DACH1: variants seen among roughly 807,000 people sequenced by gnomAD.
DACH1 encodes dachshund family transcription factor 1.
DACH1 carries 12 observed loss-of-function variants against 54.2 expected under a neutral mutation model. The observed-to-expected ratio is 0.22, with a 90% CI of 0.14 to 0.36. DACH1 has a LOEUF of 0.36. Ranked by LOEUF, DACH1 falls within the 10% of genes least tolerant of loss-of-function variation. The pLI is 1.00. For synonymous variants in DACH1, 386 were observed against 366.2 expected, an observed-to-expected ratio of 1.05 and a Z score of -0.62; for missense variants, 805 against 929.8, an observed-to-expected ratio of 0.87 and a Z score of 1.75.
chr13:71,449,243 T>C (rs1458107257), intron 10 of DACH1, among the ~76,000 whole-genome samples: 1 of 151,982 alleles, frequency 6.6e-6, no homozygotes. Flanking sequence ...GGAGAATTGC[T>C]TCAACCTGGA....
At chr13:71,834,634 CTA>C (rs1242966801) in intron 1 of DACH1, among the ~76,000 whole-genome samples, 1 of 152,008 alleles carries the variant, frequency 6.6e-6, no homozygotes, top group Non-Finnish European at 1.5e-5. Flanking sequence ...CCGCTGTAGC[CTA>C]TGTTTGACCA....
rs548257004 is a variant in DACH1, at chr13:71,675,052, G to A, written c.964+6743C>T. ...CGAAGAGAAGGGGGGTAAGTAAGGA[G>A]GTCTCTGTACCACGGCTCGTACAAA... is the stretch of plus-strand genomic sequence containing the variant. On this transcript the variant is annotated intron_variant, in intron 2 of 10. Coordinates refer to ENST00000613252, the MANE Select transcript of DACH1 (RefSeq NM_080759.6). The A allele has an allele frequency of 8.9e-5, 106 of 1,188,742 alleles. No individual in the cohort carries two copies. The African/African-American group carries it at 1.4e-3, about 16-fold the overall frequency. The allele number at this position is 1,188,742 out of a possible 1,614,324, so 73.6% of individuals were successfully genotyped here.
At chr13:71,545,179 G>A (rs914941737) in intron 6 of DACH1, among the ~76,000 whole-genome samples, 2 of 151,912 alleles carry the variant, frequency 1.3e-5, no homozygotes, top group African/African-American at 2.4e-5. Context: ...ACGGACATTC[G>A]CTAATTTCCC....
intron 2 of DACH1, among the ~76,000 whole-genome samples, chr13:71,652,820 T>C (rs1878776734): frequency 6.6e-6 from 1 of 152,178 alleles, no homozygotes; most frequent in Non-Finnish European, 1.5e-5. Flanking sequence ...TTTTGTTCTC[T>C]TGTACCCTCC....
intron 6 of DACH1, among the ~76,000 whole-genome samples, chr13:71,517,818 A>G (rs143169566): frequency 6.6e-6 from 1 of 152,036 alleles, no homozygotes; most frequent in African/African-American, 2.4e-5. Context: ...TCTATCAAGC[A>G]AATTAATTTT....
chr13:71,595,356 C>G (rs1445063817), intron 3 of DACH1, among the ~76,000 whole-genome samples: 2 of 151,990 alleles, frequency 1.3e-5, no homozygotes, highest in Non-Finnish European at 2.9e-5. Flanking sequence ...AATAGGAAGC[C>G]TTGGGATAAT....
At chr13:71,636,004 G>A (rs1474575170) in intron 2 of DACH1, among the ~76,000 whole-genome samples, 2 of 151,976 alleles carry the variant, frequency 1.3e-5, no homozygotes, top group Non-Finnish European at 1.5e-5. Flanking sequence ...GGCTGGTCTC[G>A]AACTCCTGAT....
intron 6 of DACH1, among the ~76,000 whole-genome samples, chr13:71,506,218 GCTGGT>G (rs1231557200): frequency 6.0e-5 from 9 of 150,748 alleles, no homozygotes; most frequent in African/African-American, 2.2e-4. Context: ...CATGTGCCAT[GCTGGT>G]GTGCTGAACC....
intron 6 of DACH1, among the ~76,000 whole-genome samples, chr13:71,505,488 T>TTG (rs751594419): frequency 2.0e-5 from 3 of 152,162 alleles, no homozygotes; most frequent in Non-Finnish European, 4.4e-5. Flanking sequence ...GTAAAGCAGA[T>TTG]TCTGTGTGTG....
At chr13:71,715,968 T>C (rs1409237856) in intron 1 of DACH1, among the ~76,000 whole-genome samples, 1 of 152,070 alleles carries the variant, frequency 6.6e-6, no homozygotes, top group East Asian at 1.9e-4. Context: ...GTAAGTGATA[T>C]CTGAACATTT....
intron 10 of DACH1, among the ~76,000 whole-genome samples, chr13:71,455,505 T>G (rs1875484514): frequency 6.6e-6 from 1 of 152,138 alleles, no homozygotes; most frequent in Non-Finnish European, 1.5e-5. Flanking sequence ...TTTCATGATA[T>G]CTGGTGGCCT....
intron 6 of DACH1, among the ~76,000 whole-genome samples, chr13:71,552,836 TATATATAGAGAGAGAGAGAG>T (rs1883951763): frequency 3.7e-5 from 1 of 27,186 alleles, no homozygotes; most frequent in African/African-American, 1.6e-4. Context: ...TATATATATA[TATATATAGAGAGAGAGAGAG>T]AGAGAGAGAG....
chr13:71,586,257 A>T (rs1419459503), intron 3 of DACH1, among the ~76,000 whole-genome samples: 2 of 152,146 alleles, frequency 1.3e-5, no homozygotes, highest in African/African-American at 4.8e-5. Context: ...TTAACAGATA[A>T]CTTTTAGACC....
intron 3 of DACH1, among the ~76,000 whole-genome samples, chr13:71,587,896 G>A (rs1873398667): frequency 1.3e-5 from 2 of 152,066 alleles, no homozygotes; most frequent in Non-Finnish European, 2.9e-5. Flanking sequence ...GTAGATTAAA[G>A]TAAAAGCTGC....
chr13:71,665,955 C>T lies in DACH1; in HGVS notation c.964+15840G>A, dbSNP rs747462397. Among the ~76,000 whole-genome samples the T allele has an allele frequency of 2.9e-4, 44 of 152,088 alleles. 1 individual carries two copies. Among genetic ancestry groups the T allele is most frequent in the Admixed American group, 2.1e-3 (32 of 15,264 alleles). ...ACAACACCTCCTTCATAAATTGACACGAGAAATAAATGAAATGATATATTA... is the reference window on the plus strand; with the variant it reads ...ACAACACCTCCTTCATAAATTGACATGAGAAATAAATGAAATGATATATTA... On this transcript the variant is annotated intron_variant, in intron 2 of 10. Coordinates refer to ENST00000613252, the MANE Select transcript of DACH1 (RefSeq NM_080759.6).
chr13:71,779,645 A>C (rs2138061899), intron 1 of DACH1, among the ~76,000 whole-genome samples: 1 of 152,262 alleles, frequency 6.6e-6, no homozygotes, highest in South Asian at 2.1e-4. Flanking sequence ...CAATAACCAC[A>C]CCAAACAAAA....
intron 1 of DACH1, among the ~76,000 whole-genome samples, chr13:71,765,756 A>G (rs1034597564): frequency 6.6e-6 from 1 of 152,190 alleles, no homozygotes; most frequent in Non-Finnish European, 1.5e-5. Flanking sequence ...CCCCAGTTTT[A>G]TAAGTAATGT....
At chr13:71,723,062 A>G (rs1261109128) in intron 1 of DACH1, among the ~76,000 whole-genome samples, 1 of 152,138 alleles carries the variant, frequency 6.6e-6, no homozygotes, top group Non-Finnish European at 1.5e-5. Flanking sequence ...TGTCAAAACC[A>G]GAAACCGTTG....
At chr13:71,584,683 G>T (rs1221271392) in intron 3 of DACH1, among the ~76,000 whole-genome samples, 2 of 151,870 alleles carry the variant, frequency 1.3e-5, no homozygotes, top group Non-Finnish European at 2.9e-5. Context: ...AATATTTTTT[G>T]AAAATCATTT....
Sources: allele counts gnomAD v4.1 joint callset (sites outside exome capture counted in the v4.1 genomes callset), GRCh38; gene constraint gnomAD v4.1.1; transcripts MANE v1.5; gene names NCBI Gene and HGNC (gene_info 2026-07-23, HGNC 2026-07-21).